The following XRN2 variants were observed in gnomAD, a reference collection of about 807,000 sequenced individuals.
XRN2 encodes the protein 5'-3' exoribonuclease 2, also known as DHM1-like protein.
A neutral mutation model predicts 138.5 loss-of-function variants in XRN2; 44 were observed. The observed-to-expected ratio is 0.32, with a 90% CI of 0.25 to 0.41. The LOEUF (loss-of-function observed/expected upper bound fraction) is 0.41, where lower values mean the gene tolerates loss of function less well. Ranked by LOEUF, XRN2 falls within the 10% of genes least tolerant of loss-of-function variation. XRN2 has a pLI of 1.00. For synonymous variants in XRN2, 354 were observed against 369.4 expected (o/e 0.96, Z 0.48); for missense variants, 937 against 1,169.3 (o/e 0.80, Z 2.90).
chr20:21,312,972 A>G (rs2037904037), intron 1 of XRN2, among the ~76,000 whole-genome samples: 2 of 152,194 alleles, frequency 1.3e-5, no homozygotes, highest in Non-Finnish European at 2.9e-5. Context: ...CCTCAGAACC[A>G]GAAGAGGTTT....
intron 1 of XRN2, among the ~76,000 whole-genome samples, chr20:21,321,943 T>C (rs1546998): frequency 0.68 from 103,153 of 152,072 alleles, 35,721 homozygotes; most frequent in South Asian, 0.83. Context: ...TAGACCTTGG[T>C]ACACATCACT....
intron 3 of XRN2, among the ~76,000 whole-genome samples, 178 bp from the exon 4 acceptor site, chr20:21,328,381 C>T (rs960649415): frequency 1.3e-5 from 2 of 152,144 alleles, no homozygotes; most frequent in East Asian, 1.9e-4. Context: ...TTTGGGTTCT[C>T]GGTCCAAATT....
chr20:21,381,873 G>C, intron 27 of XRN2, 121 bp from the exon 28 acceptor site: 1 of 725,326 alleles, frequency 1.4e-6, no homozygotes, highest in Non-Finnish European at 2.1e-6. Context: ...TATGATACTA[G>C]TTTATTTGGT....
chr20:21,365,164 G>T (rs923004512), intron 24 of XRN2, among the ~76,000 whole-genome samples: 93 of 152,130 alleles, frequency 6.1e-4, no homozygotes, highest in African/African-American at 2.1e-3. Flanking sequence ...ATTTGAGTTG[G>T]GGCAATGTCT....
chr20:21,357,371 T>TG (rs1212519329), intron 23 of XRN2, among the ~76,000 whole-genome samples: 2 of 152,176 alleles, frequency 1.3e-5, no homozygotes, highest in Non-Finnish European at 2.9e-5. Flanking sequence ...TTTGTCAAGG[T>TG]GGTTACACTG....
At chr20:21,328,973 A>G (rs1044495195) in intron 4 of XRN2, among the ~76,000 whole-genome samples, 7 of 152,174 alleles carry the variant, frequency 4.6e-5, no homozygotes, top group Non-Finnish European at 1.0e-4. Context: ...GTCTCTGTAG[A>G]ATAGAAATAT....
intron 1 of XRN2, among the ~76,000 whole-genome samples, chr20:21,309,893 T>G (rs930182156): frequency 1.3e-5 from 2 of 152,192 alleles, no homozygotes; most frequent in African/African-American, 4.8e-5. Context: ...TACACTGTTC[T>G]CAGATAACTA....
chr20:21,345,412 T>C (rs1048105943), intron 16 of XRN2, among the ~76,000 whole-genome samples: 2 of 152,220 alleles, frequency 1.3e-5, no homozygotes, highest in African/African-American at 4.8e-5. Context: ...TTCTAATTGT[T>C]ATTCTGTGAC....
chr20:21,364,988 C>A (rs975031179), intron 24 of XRN2, among the ~76,000 whole-genome samples: 1 of 152,058 alleles, frequency 6.6e-6, no homozygotes, highest in Non-Finnish European at 1.5e-5. Context: ...TTTGATTTTG[C>A]AAATATTTCT....
intron 16 of XRN2, among the ~76,000 whole-genome samples, chr20:21,346,177 A>G (rs113593722): frequency 2.0e-4 from 31 of 152,350 alleles, no homozygotes; most frequent in African/African-American, 5.5e-4. Flanking sequence ...ATGTGGTTTT[A>G]TAATGGTCTT....
chr20:21,387,563 T>G (rs2038949013), intron 29 of XRN2, among the ~76,000 whole-genome samples: 1 of 152,180 alleles, frequency 6.6e-6, no homozygotes, highest in Non-Finnish European at 1.5e-5. Flanking sequence ...CTAGACAAAT[T>G]TAGTATATGT....
At chr20:21,365,813 A>G (rs1485707484) in intron 26 of XRN2, 109 bp downstream of exon 26, 3 of 132,502 alleles carry the variant, frequency 2.3e-5, no homozygotes, top group South Asian at 2.4e-4. Context: ...TATATAATAT[A>G]TGATTATATA....
At chr20:21,327,240 G>A (rs556498806) in intron 3 of XRN2, among the ~76,000 whole-genome samples, 2 of 152,268 alleles carry the variant, frequency 1.3e-5, no homozygotes, top group African/African-American at 4.8e-5. Context: ...TAGGCAATGA[G>A]TAGTCATGAA....
At position 21,348,137 on chromosome 20, in the gene XRN2, T is replaced by C. The variant is rs1185224321; in HGVS notation, c.1666-9T>C. ...TTTGATTTTGTTGTTACTTTTTTAATGATTCTAGGGCTGTGCTTCCTGGAA... is the reference window on the plus strand; with the variant it reads ...TTTGATTTTGTTGTTACTTTTTTAACGATTCTAGGGCTGTGCTTCCTGGAA... On this transcript the variant is annotated splice_polypyrimidine_tract_variant and intron_variant, in intron 17 of 29. Transcript: ENST00000377191. 1 of 1,579,870 alleles carries C rather than the reference T, an allele frequency of 6.3e-7. No individual in the cohort carries two copies. The highest frequency in any genetic ancestry group is 8.5e-7 in the Non-Finnish European group (1 of 1,170,618).
At chr20:21,344,049 A>G (rs2038405133) in intron 15 of XRN2, 41 bp from the exon 16 acceptor site, 8 of 1,462,804 alleles carry the variant, frequency 5.5e-6, no homozygotes, top group Admixed American at 1.7e-5. Context: ...TGTAAAATGA[A>G]TAATGAAATC....
At chr20:21,330,386 G>C (rs981041621) in intron 4 of XRN2, 95 bp from the exon 5 acceptor site, 11 of 1,281,922 alleles carry the variant, frequency 8.6e-6, no homozygotes, top group Non-Finnish European at 1.1e-5. Context: ...ACTTTCTTTT[G>C]TAGTGGAACT....
intron 27 of XRN2, among the ~76,000 whole-genome samples, chr20:21,381,359 G>A (rs963210718): frequency 4.6e-5 from 7 of 152,136 alleles, no homozygotes; most frequent in African/African-American, 9.7e-5. Flanking sequence ...TCCTATATCC[G>A]TCAGTTTATG....
chr20:21,312,564 T>C (rs2037896298), intron 1 of XRN2, among the ~76,000 whole-genome samples: 2 of 151,556 alleles, frequency 1.3e-5, no homozygotes, highest in Non-Finnish European at 2.9e-5. Flanking sequence ...GCCTAAACTC[T>C]AGAGAGCCAG....
At chr20:21,348,790 C>T (rs1407035388) in intron 19 of XRN2, among the ~76,000 whole-genome samples, 1 of 152,074 alleles carries the variant, frequency 6.6e-6, no homozygotes, top group Non-Finnish European at 1.5e-5. Context: ...ACTATAGGTG[C>T]TCGCCACCAC....
Sources: gnomAD v4.1 joint callset for allele counts (sites outside exome capture counted in the v4.1 genomes callset) on GRCh38, gnomAD v4.1.1 for gene constraint, MANE v1.5 for transcripts, NCBI Gene and HGNC (gene_info 2026-07-23, HGNC 2026-07-21) for gene names.